The following MAP2K6 variants were observed in gnomAD, a reference collection of about 807,000 sequenced individuals.
MAP2K6 encodes dual specificity mitogen-activated protein kinase kinase 6.
A neutral mutation model predicts 53.7 loss-of-function variants in MAP2K6; 16 were observed. The observed-to-expected ratio is 0.30, with a 90% CI of 0.20 to 0.45. The LOEUF (loss-of-function observed/expected upper bound fraction) is 0.45, where lower values mean the gene tolerates loss of function less well. MAP2K6 is among the 20% of genes least tolerant of loss of function. MAP2K6 has a pLI of 1.00. For synonymous variants in MAP2K6, 132 were observed against 143.1 expected (o/e 0.92, Z 0.55); for missense variants, 204 against 411.9 (o/e 0.50, Z 4.37).
chr17:69,472,349 G>C (rs1039248436), intron 1 of MAP2K6, among the ~76,000 whole-genome samples: 3 of 152,110 alleles, frequency 2.0e-5, no homozygotes, highest in Admixed American at 2.0e-4. Context: ...TAGTGCAGTA[G>C]GTCCTTGAAT....
At chr17:69,527,071 G>A (rs1440209159) in intron 10 of MAP2K6, among the ~76,000 whole-genome samples, 3 of 152,152 alleles carry the variant, frequency 2.0e-5, no homozygotes, top group African/African-American at 7.2e-5. Context: ...AAGGGAAATA[G>A]GAAAGGAAAC....
chr17:69,524,861 A>G (rs1287662719), intron 8 of MAP2K6, 40 bp from the exon 9 acceptor site: 5 of 1,494,990 alleles, frequency 3.3e-6, no homozygotes, highest in African/African-American at 1.4e-5. Flanking sequence ...CGTTATCTCA[A>G]TTGTCTTCCC....
At chr17:69,505,906 G>T in intron 2 of MAP2K6, 60 bp downstream of exon 2, 1 of 1,492,334 alleles carries the variant, frequency 6.7e-7, no homozygotes, top group South Asian at 1.2e-5. Flanking sequence ...TCCTCCTGGG[G>T]GTTTATTTTT....
chr17:69,430,344 A>T (rs1216022480), intron 1 of MAP2K6, among the ~76,000 whole-genome samples: 1 of 152,206 alleles, frequency 6.6e-6, no homozygotes, highest in Non-Finnish European at 1.5e-5. Flanking sequence ...AAAAAGAGAA[A>T]AAAAAAGAAA....
At chr17:69,505,642 C>G (rs1008831041) in intron 1 of MAP2K6, 138 bp from the exon 2 acceptor site, 4 of 701,710 alleles carry the variant, frequency 5.7e-6, no homozygotes, top group Admixed American at 4.0e-5. Flanking sequence ...TCACAGACTT[C>G]CTGGGTAGGA....
intron 1 of MAP2K6, among the ~76,000 whole-genome samples, chr17:69,421,983 A>ACC (rs1398683835): frequency 2.0e-5 from 3 of 151,694 alleles, no homozygotes; most frequent in African/African-American, 7.3e-5. Context: ...CCTGGCTTGT[A>ACC]CCCCACTCTG....
At chr17:69,516,936 T>A in intron 3 of MAP2K6, 33 bp downstream of exon 3, 1 of 1,499,026 alleles carries the variant, frequency 6.7e-7, no homozygotes, top group Non-Finnish European at 9.3e-7. Flanking sequence ...ACCTAATACG[T>A]TGGCCATTTT....
intron 1 of MAP2K6, among the ~76,000 whole-genome samples, chr17:69,455,709 T>C (rs1478135788): frequency 1.3e-5 from 2 of 152,144 alleles, no homozygotes; most frequent in Non-Finnish European, 2.9e-5. Flanking sequence ...TATTCTTGTT[T>C]GTTCTTTTTC....
intron 7 of MAP2K6, 29 bp from the exon 8 acceptor site, chr17:69,523,485 G>A (rs1391992709): frequency 6.2e-7 from 1 of 1,611,274 alleles, no homozygotes; most frequent in Non-Finnish European, 8.5e-7. Flanking sequence ...AGGCTGAAAT[G>A]ATGGCATCCT....
intron 1 of MAP2K6, among the ~76,000 whole-genome samples, chr17:69,465,304 T>A (rs997926484): frequency 2.0e-5 from 3 of 152,034 alleles, no homozygotes; most frequent in Non-Finnish European, 4.4e-5. Flanking sequence ...CTATGCTCTA[T>A]AAATCTATAA....
chr17:69,540,795 G>A lies in MAP2K6; in HGVS notation c.928-881G>A, dbSNP rs118084561. 1.7e-3 allele frequency among the ~76,000 whole-genome samples: 253 copies of A among 152,236 alleles called. 8 individuals are homozygous for A. In the East Asian group the frequency reaches 0.042, roughly 25 times the overall value. On this transcript the variant is annotated intron_variant, in intron 11 of 11. Transcript: ENST00000590474. ...TGGCAGTCTACATTATTTTTCAGATGGATCAACTCTTCATCAGGAGAGACA... is the reference window on the plus strand; with the variant it reads ...TGGCAGTCTACATTATTTTTCAGATAGATCAACTCTTCATCAGGAGAGACA...
chr17:69,521,706 C>A (rs1021405594), intron 7 of MAP2K6: 1 of 143,782 alleles, frequency 7.0e-6, no homozygotes, highest in African/African-American at 2.6e-5. Context: ...TTTAAAATCA[C>A]TTTTAAAATG....
chr17:69,517,252 G>A (rs1910197043), intron 3 of MAP2K6, among the ~76,000 whole-genome samples: 1 of 151,874 alleles, frequency 6.6e-6, no homozygotes, highest in South Asian at 2.1e-4. Flanking sequence ...TGAGACATTG[G>A]CAAGCTGAGT....
intron 1 of MAP2K6, among the ~76,000 whole-genome samples, chr17:69,452,711 A>C (rs1283403376): frequency 6.6e-6 from 1 of 152,232 alleles, no homozygotes; most frequent in East Asian, 1.9e-4. Flanking sequence ...TACCATAGTA[A>C]AAATTTTGCA....
intron 1 of MAP2K6, among the ~76,000 whole-genome samples, chr17:69,479,503 G>A (rs1908274043): frequency 2.6e-5 from 4 of 151,966 alleles, no homozygotes; most frequent in Admixed American, 2.6e-4. Flanking sequence ...ATATCTCAGT[G>A]TGCATGTACA....
At chr17:69,441,423 A>C (rs1222467132) in intron 1 of MAP2K6, among the ~76,000 whole-genome samples, 2 of 151,952 alleles carry the variant, frequency 1.3e-5, no homozygotes, top group African/African-American at 4.8e-5. Context: ...GAGACCATCC[A>C]TTGAGTTTTT....
intron 1 of MAP2K6, among the ~76,000 whole-genome samples, chr17:69,491,685 A>G (rs915919532): frequency 1.3e-5 from 2 of 152,014 alleles, no homozygotes; most frequent in Non-Finnish European, 1.5e-5. Flanking sequence ...ACTCCCACCA[A>G]CAATGTATAA....
chr17:69,426,806 A>G (rs558912366), intron 1 of MAP2K6, among the ~76,000 whole-genome samples: 2 of 152,282 alleles, frequency 1.3e-5, no homozygotes, highest in South Asian at 2.1e-4. Context: ...TTAAAAAAAA[A>G]AAAAGAAAAG....
Position 69,549,595 on chromosome 17 carries a change from A to G in MAP2K6, c.*7842A>G, listed in dbSNP as rs189983719. On this transcript the variant is annotated 3_prime_UTR_variant, in exon 12 of 12. Transcript: ENST00000590474. The stretch of plus-strand genomic sequence containing the variant: ...GTATCAGGCTGCCTAAATGAACCCT[A>G]TTGTTTCCAGTTCTTAAAAATTTAA... 71 of 152,250 alleles carry G rather than the reference A, an allele frequency of 4.7e-4. No homozygotes were observed. The highest frequency in any genetic ancestry group is 1.7e-3 in the African/African-American group (69 of 41,560). The allele number at this position is 152,250 out of a possible 1,614,324, so 9.4% of individuals were successfully genotyped here. A position where few individuals can be genotyped will look rare whatever the true frequency, so the allele number is the denominator to read the frequency against.
Sources: allele counts gnomAD v4.1 joint callset (sites outside exome capture counted in the v4.1 genomes callset), GRCh38; gene constraint gnomAD v4.1.1; transcripts MANE v1.5; gene names NCBI Gene and HGNC (gene_info 2026-07-23, HGNC 2026-07-21).